The following KCNIP4 variants were observed in gnomAD, a reference collection of about 807,000 sequenced individuals.
The protein encoded by KCNIP4 is Kv channel-interacting protein 4.
In KCNIP4, 12 loss-of-function variants were observed where a neutral mutation model predicts 34.0. That is an observed-to-expected ratio of 0.35 (90% confidence interval 0.23 to 0.57). The LOEUF is 0.57. Ranked by LOEUF, KCNIP4 falls within the 20% of genes least tolerant of loss-of-function variation. The probability of loss-of-function intolerance (pLI) is 0.83; values close to 1 mark genes in which losing one functional copy is unlikely to be tolerated. For synonymous variants in KCNIP4, 124 were observed against 102.2 expected, an observed-to-expected ratio of 1.21 and a Z score of -1.29; for missense variants, 238 against 311.7, an observed-to-expected ratio of 0.76 and a Z score of 1.78.
chr4:21,322,636 T>C (rs992058143), intron 1 of KCNIP4, among the ~76,000 whole-genome samples: 2 of 152,102 alleles, frequency 1.3e-5, no homozygotes, highest in African/African-American at 4.8e-5. Context: ...GTTCTTCTAC[T>C]GTATAAATGG....
In KCNIP4 at chr4:21,810,075, T is replaced by C. The variant is rs553734269; in HGVS notation, c.61+138496A>G. Among the ~76,000 whole-genome samples, 15 of 152,224 alleles carry C rather than the reference T, an allele frequency of 9.9e-5. No homozygotes were observed. In the East Asian group the frequency reaches 2.9e-3, roughly 30 times the overall value. ...ACAGCTCACTGGGAAAAGCCAAGGT[T>C]AGATCACCAAGTGGACAGAGAAAGA... On this transcript the variant is annotated intron_variant, in intron 1 of 8. Transcript: ENST00000382152.
At chr4:21,091,216 T>C (rs1360995700) in intron 1 of KCNIP4, among the ~76,000 whole-genome samples, 5 of 152,216 alleles carry the variant, frequency 3.3e-5, no homozygotes, top group African/African-American at 9.6e-5. Flanking sequence ...GAAAATTTTA[T>C]ATGACAAGCA....
At chr4:21,053,617 G>T (rs1288535850) in intron 1 of KCNIP4, among the ~76,000 whole-genome samples, 1 of 152,054 alleles carries the variant, frequency 6.6e-6, no homozygotes, top group Non-Finnish European at 1.5e-5. Context: ...TAGAAAATAC[G>T]AAAGAATTGA....
intron 1 of KCNIP4, among the ~76,000 whole-genome samples, chr4:21,403,355 G>A (rs1430334142): frequency 6.6e-6 from 1 of 152,088 alleles, no homozygotes; most frequent in Non-Finnish European, 1.5e-5. Context: ...TATCATCCTA[G>A]TCAATGTCAC....
At chr4:21,133,400 T>C (rs1401373387) in intron 1 of KCNIP4, among the ~76,000 whole-genome samples, 1 of 152,214 alleles carries the variant, frequency 6.6e-6, no homozygotes, top group Non-Finnish European at 1.5e-5. Flanking sequence ...AAAATGAGGA[T>C]GATTCCTTCA....
At chr4:21,714,821 T>C (rs184587846) in intron 1 of KCNIP4, among the ~76,000 whole-genome samples, 2,160 of 3,520 alleles carry the variant, frequency 0.61, 507 homozygotes, top group Middle Eastern at 0.67. Context: ...TTTATTTTAT[T>C]TTATTTTATT....
chr4:21,768,503 G>A (rs574384882), intron 1 of KCNIP4, among the ~76,000 whole-genome samples: 17 of 152,100 alleles, frequency 1.1e-4, no homozygotes, highest in African/African-American at 3.6e-4. Flanking sequence ...CCCAAGTCTC[G>A]CTCCTCATTT....
intron 1 of KCNIP4, among the ~76,000 whole-genome samples, chr4:21,454,978 T>C (rs1017492769): frequency 6.6e-6 from 1 of 152,018 alleles, no homozygotes; most frequent in South Asian, 2.1e-4. Context: ...ACCATCCTAG[T>C]ATCAGCACTG....
Position 21,717,327 on chromosome 4 carries a change from G to T in KCNIP4, c.61+231244C>A, listed in dbSNP as rs542958199. ...ACTAATGAGAGTGCCATGGATTCTT[G>T]ATTTCAGCCCTAGTGACTCAGATTT... On this transcript the variant is annotated intron_variant, in intron 1 of 8. Coordinates refer to ENST00000382152, the MANE Select transcript of KCNIP4 (RefSeq NM_025221.6). Among the ~76,000 whole-genome samples the T allele has an allele frequency of 2.0e-5, 3 of 152,160 alleles. No homozygotes were observed. In the South Asian group the frequency reaches 6.2e-4, roughly 32 times the overall value.
At chr4:21,660,189 T>C (rs943821318) in intron 1 of KCNIP4, among the ~76,000 whole-genome samples, 9 of 152,162 alleles carry the variant, frequency 5.9e-5, no homozygotes, top group African/African-American at 1.9e-4. Flanking sequence ...AATATACTTG[T>C]ATATGTCCTC....
At chr4:21,727,350 C>T (rs1715270728) in intron 1 of KCNIP4, among the ~76,000 whole-genome samples, 1 of 152,090 alleles carries the variant, frequency 6.6e-6, no homozygotes, top group South Asian at 2.1e-4. Flanking sequence ...CATGTGAGGA[C>T]ACAGCAAGAA....
At position 21,347,441 on chromosome 4, in the gene KCNIP4, C is replaced by T. The variant is rs555140748; in HGVS notation, c.62-464732G>A. On this transcript the variant is annotated intron_variant, in intron 1 of 8. Coordinates refer to ENST00000382152, the MANE Select transcript of KCNIP4 (RefSeq NM_025221.6). Reference sequence around the variant, plus strand: ...TGCTCTCTTCCTCCCACCCTTCAATCTCCCTCCAGTGTATTCCATGAGTTG... The same window carrying T: ...TGCTCTCTTCCTCCCACCCTTCAATTTCCCTCCAGTGTATTCCATGAGTTG... 1.1e-3 allele frequency among the ~76,000 whole-genome samples: 165 copies of T among 152,298 alleles called. 3 individuals are homozygous for T. Among genetic ancestry groups the T allele is most frequent in the African/African-American group, 3.8e-3 (158 of 41,564 alleles).
intron 1 of KCNIP4, among the ~76,000 whole-genome samples, chr4:21,174,213 GT>G (rs1754230664): frequency 1.3e-5 from 2 of 152,198 alleles, no homozygotes; most frequent in South Asian, 4.2e-4. Flanking sequence ...TGACCTCTCA[GT>G]TTTCCGGAAA....
At chr4:21,569,725 TG>T (rs947718350) in intron 1 of KCNIP4, among the ~76,000 whole-genome samples, 21 of 152,158 alleles carry the variant, frequency 1.4e-4, no homozygotes, top group Admixed American at 9.8e-4. Context: ...CTGAAGCTTC[TG>T]GGGATGTTGA....
At chr4:21,584,150 A>T (rs1741441018) in intron 1 of KCNIP4, among the ~76,000 whole-genome samples, 1 of 152,070 alleles carries the variant, frequency 6.6e-6, no homozygotes, top group African/African-American at 2.4e-5. Context: ...TGGAAAAATC[A>T]TTACCCTCAT....
intron 3 of KCNIP4, among the ~76,000 whole-genome samples, chr4:20,812,593 A>G (rs9998327): frequency 0.27 from 40,520 of 152,006 alleles, 6,471 homozygotes; most frequent in Admixed American, 0.42. Context: ...TGAACACGTG[A>G]TTGATCTAAA....
intron 1 of KCNIP4, among the ~76,000 whole-genome samples, chr4:20,900,770 A>G (rs565056926): frequency 6.6e-6 from 1 of 152,268 alleles, no homozygotes; most frequent in South Asian, 2.1e-4. Context: ...TATTGGTTGA[A>G]GAAAACAGTG....
intron 1 of KCNIP4, among the ~76,000 whole-genome samples, chr4:21,467,433 T>G (rs1443812423): frequency 1.3e-5 from 2 of 152,154 alleles, no homozygotes; most frequent in African/African-American, 4.8e-5. Context: ...CTCACAACAC[T>G]ACACCACAAC....
chr4:21,508,439 C>G (rs971522137), intron 1 of KCNIP4, among the ~76,000 whole-genome samples: 2 of 152,058 alleles, frequency 1.3e-5, no homozygotes. Flanking sequence ...CAGAAATGTC[C>G]CCTCTTCCAC....
Sources: allele counts gnomAD v4.1 joint callset (sites outside exome capture counted in the v4.1 genomes callset), GRCh38; gene constraint gnomAD v4.1.1; transcripts MANE v1.5; gene names NCBI Gene and HGNC (gene_info 2026-07-23, HGNC 2026-07-21).